Variants in TNFSF4 observed in about 807,000 individuals in gnomAD.
TNFSF4 encodes tumor necrosis factor ligand superfamily member 4.
TNFSF4 carries 4 observed loss-of-function variants against 7.3 expected under a neutral mutation model. The observed-to-expected ratio is 0.55, with a 90% CI of 0.27 to 1.25. TNFSF4 has a LOEUF of 1.25. Ranked by LOEUF, TNFSF4 falls within the 50% of genes most tolerant of loss-of-function variation. The pLI, the probability that TNFSF4 is intolerant of heterozygous loss-of-function variation, is 0.12. For synonymous variants in TNFSF4, 76 were observed against 83.7 expected, an observed-to-expected ratio of 0.91 and a Z score of 0.50; for missense variants, 181 against 208.8, an observed-to-expected ratio of 0.87 and a Z score of 0.82.
At chr1:173,343,773 G>A in the TNFSF4 span, among the ~76,000 whole-genome samples, 1 of 152,134 alleles carries the variant, frequency 6.6e-6, no homozygotes, top group Non-Finnish European at 1.5e-5. Flanking sequence ...ATAAAAGGAT[G>A]GATGGATGGA....
At chr1:173,441,102 C>A in the TNFSF4 span, among the ~76,000 whole-genome samples, 1 of 152,120 alleles carries the variant, frequency 6.6e-6, no homozygotes, top group South Asian at 2.1e-4. Context: ...GGCCTGTGCC[C>A]AAGGAAACCA....
the TNFSF4 span, among the ~76,000 whole-genome samples, chr1:173,289,979 T>G: frequency 6.6e-6 from 1 of 150,738 alleles, no homozygotes; most frequent in Non-Finnish European, 1.5e-5. Flanking sequence ...AAATAATGGT[T>G]CAACATTTTC....
chr1:173,282,049 G>C, the TNFSF4 span, among the ~76,000 whole-genome samples: 100 of 152,234 alleles, frequency 6.6e-4, 1 homozygote, highest in African/African-American at 2.2e-3. Flanking sequence ...TGGGAAGCAT[G>C]GTGAGGGTGG....
chr1:173,379,097 A>T, the TNFSF4 span, among the ~76,000 whole-genome samples: 73 of 152,266 alleles, frequency 4.8e-4, 1 homozygote, highest in East Asian at 0.012. Context: ...CTATTGTTAG[A>T]TCAAACCCTG....
the TNFSF4 span, among the ~76,000 whole-genome samples, chr1:173,393,499 T>C: frequency 1.3e-5 from 2 of 152,298 alleles, no homozygotes; most frequent in South Asian, 2.1e-4. Context: ...TGTACCCCCA[T>C]GGTAAGGTCC....
At chr1:173,385,860 G>T in the TNFSF4 span, among the ~76,000 whole-genome samples, 1 of 151,844 alleles carries the variant, frequency 6.6e-6, no homozygotes, top group Non-Finnish European at 1.5e-5. Context: ...AAAAAAAAAA[G>T]AATTTATCAT....
At chr1:173,340,280 C>G in the TNFSF4 span, among the ~76,000 whole-genome samples, 1 of 151,594 alleles carries the variant, frequency 6.6e-6, no homozygotes, top group African/African-American at 2.4e-5. Flanking sequence ...ACTTGTCAGC[C>G]TCCATAATTG....
At chr1:173,215,317 T>C in the TNFSF4 span, among the ~76,000 whole-genome samples, 1 of 152,092 alleles carries the variant, frequency 6.6e-6, no homozygotes, top group African/African-American at 2.4e-5. Context: ...GGGTGTCTTA[T>C]GGCAGCCCAA....
chr1:173,317,241 C>A, the TNFSF4 span, among the ~76,000 whole-genome samples: 4 of 152,208 alleles, frequency 2.6e-5, no homozygotes, highest in African/African-American at 9.7e-5. Context: ...ACTGTCCCAT[C>A]CACCAGCTGA....
intron 1 of TNFSF4, among the ~76,000 whole-genome samples, chr1:173,192,205 A>G (rs1226788266): frequency 6.6e-6 from 1 of 152,174 alleles, no homozygotes; most frequent in Non-Finnish European, 1.5e-5. Context: ...GGCCTAAATC[A>G]AATCCTTGAG....
At chr1:173,376,955 G>A in the TNFSF4 span, among the ~76,000 whole-genome samples, 1 of 152,134 alleles carries the variant, frequency 6.6e-6, no homozygotes, top group Non-Finnish European at 1.5e-5. Flanking sequence ...ACTTTTAAGA[G>A]CTGTAACACT....
chr1:173,260,983 G>C, the TNFSF4 span, among the ~76,000 whole-genome samples: 1 of 152,130 alleles, frequency 6.6e-6, no homozygotes, highest in Non-Finnish European at 1.5e-5. Context: ...TCTGAATCAA[G>C]TGGACCTGTT....
chr1:173,260,390 C>T, the TNFSF4 span, among the ~76,000 whole-genome samples: 1 of 152,176 alleles, frequency 6.6e-6, no homozygotes, highest in Non-Finnish European at 1.5e-5. Context: ...CAAAAACACA[C>T]TGTAGTAGGC....
At chr1:173,406,947 A>G in the TNFSF4 span, among the ~76,000 whole-genome samples, 4 of 152,086 alleles carry the variant, frequency 2.6e-5, no homozygotes, top group African/African-American at 9.7e-5. Context: ...CTGGGTTCTG[A>G]GCAGGGCGAG....
At chr1:173,422,246 C>T in the TNFSF4 span, among the ~76,000 whole-genome samples, 3 of 147,888 alleles carry the variant, frequency 2.0e-5, no homozygotes, top group Non-Finnish European at 3.0e-5. Flanking sequence ...GGTCTAGAGA[C>T]CCAGAAATGG....
chr1:173,231,943 C>T, the TNFSF4 span, among the ~76,000 whole-genome samples: 9 of 151,976 alleles, frequency 5.9e-5, no homozygotes, highest in African/African-American at 1.2e-4. Context: ...ATTGACTGGG[C>T]GATGTGGGCT....
At chr1:173,415,462 G>T in the TNFSF4 span, among the ~76,000 whole-genome samples, 2 of 152,186 alleles carry the variant, frequency 1.3e-5, no homozygotes, top group South Asian at 2.1e-4. Context: ...AAAACAGAGG[G>T]TTCCTAGCAG....
the TNFSF4 span, among the ~76,000 whole-genome samples, chr1:173,444,821 T>C: frequency 6.6e-6 from 1 of 152,184 alleles, no homozygotes; most frequent in Non-Finnish European, 1.5e-5. Flanking sequence ...ATGAAGAGCA[T>C]ACAAAAGACA....
the TNFSF4 span, among the ~76,000 whole-genome samples, chr1:173,324,121 G>A: frequency 6.6e-6 from 1 of 152,148 alleles, no homozygotes; most frequent in Admixed American, 6.5e-5. Flanking sequence ...AGAAAGGTCG[G>A]GTTACTCACA....
Sources: gnomAD v4.1 joint callset for allele counts (sites outside exome capture counted in the v4.1 genomes callset) on GRCh38, gnomAD v4.1.1 for gene constraint, MANE v1.5 for transcripts, NCBI Gene and HGNC (gene_info 2026-07-23, HGNC 2026-07-21) for gene names.